Variants in SLC12A7 observed in about 807,000 individuals in gnomAD.
The protein encoded by SLC12A7 is solute carrier family 12 member 7, also known as K-Cl cotransporter 4.
In SLC12A7, 100 loss-of-function variants were observed where a neutral mutation model predicts 120.6. That is an observed-to-expected ratio of 0.83 (90% CI 0.71 to 0.98). The LOEUF is 0.98. Among genes scored for constraint, SLC12A7 ranks in the 50% least tolerant of loss-of-function variants. The pLI is 0.00. For synonymous variants in SLC12A7, 760 were observed against 678.0 expected, an observed-to-expected ratio of 1.12 and a Z score of -1.88; for missense variants, 1,373 against 1,548.1, an observed-to-expected ratio of 0.89 and a Z score of 1.90.
intron 22 of SLC12A7, among the ~76,000 whole-genome samples, chr5:1,054,396 C>T (rs1190080919): frequency 6.6e-6 from 1 of 152,230 alleles, no homozygotes; most frequent in African/African-American, 2.4e-5. Flanking sequence ...GTGAGGTGCT[C>T]AGGCCCTTGC....
Position 1,051,208 on chromosome 5 carries a change from A to C in SLC12A7, c.*1152T>G. The C allele has an allele frequency of 3.0e-6, 1 of 336,066 alleles. No homozygotes were observed. The highest frequency in any genetic ancestry group is 5.3e-6 in the Non-Finnish European group (1 of 186,960). 20.8% of individuals were successfully genotyped at this position (336,066 alleles called of 1,614,324 possible). On this transcript the variant is annotated 3_prime_UTR_variant, in exon 24 of 24. Transcript: ENST00000264930. ...TCTCTTCAGTGCCACCGCCGCCTCC[A>C]TGCAAGGCACAGGCCATGGCAGGGG...
rs1238328393 is a variant in SLC12A7, at chr5:1,076,201, G to T, written c.1784C>A (p.Ala595Asp). 2 of 1,612,084 alleles carry T rather than the reference G, an allele frequency of 1.2e-6. No individual in the cohort carries two copies. The highest frequency in any genetic ancestry group is 3.3e-5 in the Admixed American group (2 of 59,886). Reference protein sequence around the residue: ...FLMCYLFVNLACAVQTLLRTP... With the variant: ...FLMCYLFVNLDCAVQTLLRTP... ...ACGTAGCAGGGTCTGCACGGCGCAG[G>T]CCAGGTTCACGAACAGGTAGCACAT... Residue 595 changes from alanine to aspartate, a missense_variant, in exon 14 of 24, where the codon GCC (alanine) becomes GAC (aspartate). Physicochemically the swap from Ala to Asp is moderately radical, Grantham distance 126. Transcript: ENST00000264930.
chr5:1,058,279 C>T (rs1233211835), intron 21 of SLC12A7, among the ~76,000 whole-genome samples: 2 of 152,248 alleles, frequency 1.3e-5, no homozygotes, highest in Non-Finnish European at 2.9e-5. Context: ...ACCGCGAGAT[C>T]GCACCAATGG....
At chr5:1,108,329 C>T (rs921690083) in intron 1 of SLC12A7, among the ~76,000 whole-genome samples, 46 of 152,358 alleles carry the variant, frequency 3.0e-4, no homozygotes, top group South Asian at 2.1e-4. Flanking sequence ...CCAGCAGCCA[C>T]GGCGTTCCTG....
At chr5:1,081,316 G>A (rs550655404) in intron 9 of SLC12A7, among the ~76,000 whole-genome samples, 21 of 152,224 alleles carry the variant, frequency 1.4e-4, no homozygotes, top group Non-Finnish European at 2.9e-4. Context: ...GACATTAACC[G>A]GGCGTGGTAC....
intron 1 of SLC12A7, among the ~76,000 whole-genome samples, chr5:1,097,996 C>A (rs986793212): frequency 6.6e-6 from 1 of 151,904 alleles, no homozygotes; most frequent in South Asian, 2.1e-4. Flanking sequence ...GAGTGCGTCC[C>A]GGGGACGTCA....
At chr5:1,141,214 G>A in the SLC12A7 span, among the ~76,000 whole-genome samples, 5,210 of 152,248 alleles carry the variant, frequency 0.034, 320 homozygotes, top group African/African-American at 0.12. Context: ...CTCTGTGAGT[G>A]TCTATTTCTG....
chr5:1,117,477 A>G, the SLC12A7 span, among the ~76,000 whole-genome samples: 4 of 152,190 alleles, frequency 2.6e-5, no homozygotes, highest in East Asian at 1.9e-4. This position sits in a 1 kb window ranked among gnomAD's most constrained non-coding sequence, Gnocchi z 4.5. Context: ...TAGGATTAAC[A>G]AATTAGCCAC....
chr5:1,064,559 C>A (rs916003890), intron 18 of SLC12A7, among the ~76,000 whole-genome samples: 1 of 152,268 alleles, frequency 6.6e-6, no homozygotes, highest in Non-Finnish European at 1.5e-5. Flanking sequence ...AGAGCACACA[C>A]CCTCGGGTCG....
intron 17 of SLC12A7, among the ~76,000 whole-genome samples, chr5:1,068,330 A>T (rs2150811940): frequency 6.6e-6 from 1 of 152,346 alleles, no homozygotes; most frequent in South Asian, 2.1e-4. Context: ...AGCTACTGGG[A>T]GGCTGAGGCA....
intron 6 of SLC12A7, 72 bp from the exon 7 acceptor site, chr5:1,085,545 C>A (rs1739751853): frequency 6.7e-7 from 1 of 1,494,050 alleles, no homozygotes; most frequent in Non-Finnish European, 8.9e-7. Flanking sequence ...CCCGCAAGCC[C>A]CCAGCGCCAC....
At chr5:1,141,710 C>T in the SLC12A7 span, among the ~76,000 whole-genome samples, 1 of 152,198 alleles carries the variant, frequency 6.6e-6, no homozygotes, top group Non-Finnish European at 1.5e-5. Flanking sequence ...GCTCAAGTGC[C>T]GATAGCCACA....
intron 22 of SLC12A7, chr5:1,056,584 G>T: frequency 1.0e-6 from 1 of 985,478 alleles, no homozygotes; most frequent in Non-Finnish European, 1.2e-6. Flanking sequence ...GGACTTACAG[G>T]TTTCCCCATT....
chr5:1,058,188 C>T (rs1017884002), intron 21 of SLC12A7, among the ~76,000 whole-genome samples: 9 of 152,238 alleles, frequency 5.9e-5, no homozygotes, highest in African/African-American at 1.9e-4. Flanking sequence ...GCCCCCTGTG[C>T]GTCACTTCTG....
intron 1 of SLC12A7, among the ~76,000 whole-genome samples, chr5:1,106,772 G>A (rs1742563729): frequency 6.6e-6 from 1 of 152,252 alleles, no homozygotes; most frequent in Admixed American, 6.5e-5. Flanking sequence ...TGGGAACCGG[G>A]TCACGCAAGC....
At chr5:1,078,055 G>A (rs2150838302) in intron 11 of SLC12A7, 48 bp from the exon 12 acceptor site, 2 of 1,516,846 alleles carry the variant, frequency 1.3e-6, no homozygotes, top group Non-Finnish European at 1.8e-6. Flanking sequence ...AAGTGAGCCT[G>A]AGTCAGACAA....
At chr5:1,065,011 TGA>T (rs201307660) in intron 18 of SLC12A7, among the ~76,000 whole-genome samples, 642 of 46,580 alleles carry the variant, frequency 0.014, 19 homozygotes, top group Admixed American at 0.12. Context: ...CAGAGGAGAC[TGA>T]GGGGACACGG....
At chr5:1,103,837 G>T (rs573631612) in intron 1 of SLC12A7, among the ~76,000 whole-genome samples, 1 of 152,220 alleles carries the variant, frequency 6.6e-6, no homozygotes, top group Non-Finnish European at 1.5e-5. Context: ...CTCACTTCCC[G>T]AACCCTCTGT....
At chr5:1,097,937 C>A (rs59081716) in intron 1 of SLC12A7, among the ~76,000 whole-genome samples, 1 of 151,762 alleles carries the variant, frequency 6.6e-6, no homozygotes, top group African/African-American at 2.4e-5. Context: ...TTGGGAGTGC[C>A]CACAAACGTT....
Sources: allele counts gnomAD v4.1 joint callset (sites outside exome capture counted in the v4.1 genomes callset), GRCh38; gene constraint gnomAD v4.1.1; non-coding constraint Gnocchi (gnomAD v3.1); transcripts MANE v1.5; gene names NCBI Gene and HGNC (gene_info 2026-07-23, HGNC 2026-07-21).